NAMPT: variants seen among roughly 807,000 people sequenced by gnomAD.
The protein encoded by NAMPT is nicotinamide phosphoribosyltransferase, also known as NAmPRTase.
A neutral mutation model predicts 58.7 loss-of-function variants in NAMPT; 7 were observed. The ratio of observed to expected loss-of-function variants is 0.12; its 90% CI spans 0.07 to 0.22. The LOEUF is 0.22. Among genes scored for constraint, NAMPT ranks in the 10% least tolerant of loss-of-function variants. The pLI is 1.00. For missense variants in NAMPT, 271 were observed against 567.9 expected, an observed-to-expected ratio of 0.48 and a Z score of 5.31; for synonymous variants, 145 against 198.1, an observed-to-expected ratio of 0.73 and a Z score of 2.25.
intron 9 of NAMPT, chr7:106,253,729 A>AACAAGTGGCAG (rs1792144599): frequency 6.5e-6 from 1 of 153,698 alleles, no homozygotes; most frequent in African/African-American, 2.4e-5. Flanking sequence ...AAGAAACAGA[A>AACAAGTGGCAG]ACAAGTGGCA....
At chr7:106,268,686 A>G (rs1035196737) in intron 5 of NAMPT, 86 bp from the exon 6 acceptor site, 3 of 905,446 alleles carry the variant, frequency 3.3e-6, no homozygotes, top group Non-Finnish European at 5.5e-6. Flanking sequence ...CATTTAAGGA[A>G]TATAGCATAG....
intron 9 of NAMPT, among the ~76,000 whole-genome samples, 160 bp downstream of exon 9, chr7:106,254,204 T>C (rs1005215149): frequency 1.2e-4 from 18 of 152,150 alleles, no homozygotes; most frequent in African/African-American, 4.3e-4. Context: ...TTACCTAATA[T>C]CTCCCTTCTT....
intron 3 of NAMPT, among the ~76,000 whole-genome samples, chr7:106,273,718 A>G (rs1247210930): frequency 2.0e-5 from 3 of 152,194 alleles, no homozygotes; most frequent in African/African-American, 7.2e-5. Flanking sequence ...ATTTATCCTT[A>G]CAACAAACCT....
Position 106,264,898 on chromosome 7 carries a change from G to C in NAMPT, c.744-1281C>G, listed in dbSNP as rs115083247. Among the ~76,000 whole-genome samples the C allele has an allele frequency of 9.5e-3, 1,432 of 151,256 alleles. 25 individuals carry two copies. The highest frequency in any genetic ancestry group is 0.033 in the African/African-American group (1,369 of 41,302). On this transcript the variant is annotated intron_variant, in intron 6 of 10. Transcript: ENST00000222553. ...GTGTGTGTGTGTTTTTTTTTTTAAA[G>C]GACTAGACTTAGAACCTTTCCCCAT...
At chr7:106,257,745 C>G (rs1482084371) in intron 8 of NAMPT, among the ~76,000 whole-genome samples, 3 of 152,190 alleles carry the variant, frequency 2.0e-5, no homozygotes, top group Non-Finnish European at 4.4e-5. Flanking sequence ...CCTGACTGAA[C>G]ACCCAACTTG....
intron 8 of NAMPT, among the ~76,000 whole-genome samples, chr7:106,256,834 G>A (rs1266999563): frequency 6.6e-6 from 1 of 152,130 alleles, no homozygotes; most frequent in African/African-American, 2.4e-5. Context: ...AAGTTGAGAG[G>A]AACATCTGTA....
chr7:106,278,666 T>C (rs1162869312), intron 1 of NAMPT, among the ~76,000 whole-genome samples: 1 of 152,234 alleles, frequency 6.6e-6, no homozygotes, highest in Non-Finnish European at 1.5e-5. Context: ...GTAATAAATA[T>C]GACCACTACC....
At chr7:106,254,279 T>C (rs1792156062) in intron 9 of NAMPT, 85 bp downstream of exon 9, 1 of 1,476,050 alleles carries the variant, frequency 6.8e-7, no homozygotes, top group East Asian at 2.3e-5. Context: ...GCCACATCAA[T>C]CTTTGACAAA....
intron 6 of NAMPT, among the ~76,000 whole-genome samples, chr7:106,267,617 G>C (rs1272634286): frequency 6.6e-6 from 1 of 151,612 alleles, no homozygotes; most frequent in South Asian, 2.1e-4. Flanking sequence ...CGAGGCAGGC[G>C]GATCACGAGG....
Position 106,284,896 on chromosome 7 carries a change from G to C in NAMPT, c.-12C>G. ...GCCGCAGGATTCATCTCGGGCCGGA[G>C]GACAGGGGCCGCGCGCCGCGAGCTC... is the stretch of plus-strand genomic sequence containing the variant. On this transcript the variant is annotated 5_prime_UTR_variant, in exon 1 of 11. Transcript: ENST00000222553. 6.3e-7 allele frequency: 1 copy of C among 1,581,158 alleles called. No individual in the cohort carries two copies. The highest frequency in any genetic ancestry group is 8.6e-7 in the Non-Finnish European group (1 of 1,162,744).
At chr7:106,254,125 T>C (rs1432144458) in intron 9 of NAMPT, among the ~76,000 whole-genome samples, 2 of 152,290 alleles carry the variant, frequency 1.3e-5, no homozygotes, top group South Asian at 2.1e-4. Flanking sequence ...ACCTGTATTA[T>C]CTCTCTTAAA....
chr7:106,267,747 A>G (rs865779877), intron 6 of NAMPT, among the ~76,000 whole-genome samples: 11 of 141,270 alleles, frequency 7.8e-5, no homozygotes, highest in African/African-American at 1.8e-4. Flanking sequence ...AGGCTGAGGC[A>G]GGAGAATGGC....
chr7:106,254,624 T>A (rs1792167789), intron 8 of NAMPT, 120 bp from the exon 9 acceptor site: 1 of 1,097,570 alleles, frequency 9.1e-7, no homozygotes, highest in Admixed American at 2.5e-5. Flanking sequence ...ACACGGTCAA[T>A]AAATAATTAT....
At chr7:106,266,470 TAA>T in intron 6 of NAMPT, among the ~76,000 whole-genome samples, 1 of 152,334 alleles carries the variant, frequency 6.6e-6, no homozygotes. Flanking sequence ...AAAACTTTGT[TAA>T]AGACACTCTT....
At chr7:106,274,865 A>G in intron 3 of NAMPT, 81 bp downstream of exon 3, 1 of 961,164 alleles carries the variant, frequency 1.0e-6, no homozygotes, top group Non-Finnish European at 1.6e-6. Context: ...AAAAAACACA[A>G]AACAAAAACA....
At chr7:106,281,990 T>A (rs369661568) in intron 1 of NAMPT, among the ~76,000 whole-genome samples, 6 of 152,316 alleles carry the variant, frequency 3.9e-5, no homozygotes, top group African/African-American at 1.2e-4. Flanking sequence ...CTCAAGTTTT[T>A]CCTATATAAC....
Position 106,251,188 on chromosome 7 carries a change from A to T in NAMPT, c.1371T>A (p.Leu457=). The T allele has an allele frequency of 1.1e-5, 18 of 1,584,880 alleles. No homozygotes were observed. Among genetic ancestry groups the T allele is most frequent in the Non-Finnish European group, 1.6e-5 (18 of 1,154,198 alleles). ...KGDLEEYGQD[L]LHTVFKNGKV... ...TGCCATTCTTGAAGACAGTATGGAG[A>T]AGATCCTGCATAAATGGAAATTTCA... Residue 457 remains leucine (L), a synonymous_variant, in exon 11 of 11, where the codon CTT becomes CTA. Coordinates refer to ENST00000222553, the MANE Select transcript of NAMPT (RefSeq NM_005746.3).
intron 7 of NAMPT, among the ~76,000 whole-genome samples, chr7:106,262,351 C>T (rs1792320331): frequency 6.6e-6 from 1 of 152,092 alleles, no homozygotes; most frequent in African/African-American, 2.4e-5. Flanking sequence ...ACATTCTCTT[C>T]CCACAACAAT....
At chr7:106,267,261 C>CT (rs1792431305) in intron 6 of NAMPT, among the ~76,000 whole-genome samples, 1 of 152,086 alleles carries the variant, frequency 6.6e-6, no homozygotes, top group Non-Finnish European at 1.5e-5. Flanking sequence ...AGTTAACCAA[C>CT]AGAGCAGACT....
Sources: allele counts gnomAD v4.1 joint callset (sites outside exome capture counted in the v4.1 genomes callset), GRCh38; gene constraint gnomAD v4.1.1; transcripts MANE v1.5; gene names NCBI Gene and HGNC (gene_info 2026-07-23, HGNC 2026-07-21).